Variants in FGF14 observed in about 807,000 individuals in gnomAD.
FGF14 encodes the protein fibroblast growth factor 14.
A neutral mutation model predicts 25.5 loss-of-function variants in FGF14; 5 were observed. The ratio of observed to expected loss-of-function variants is 0.20; its 90% CI spans 0.10 to 0.41. FGF14 has a LOEUF of 0.41. FGF14 is among the 10% of genes least tolerant of loss of function. The pLI is 1.00. For missense variants in FGF14, 222 were observed against 320.1 expected (o/e 0.69, Z 2.34); for synonymous variants, 138 against 118.3 (o/e 1.17, Z -1.08).
intron 3 of FGF14, among the ~76,000 whole-genome samples, chr13:101,844,059 A>G (rs1442331842): frequency 2.6e-5 from 4 of 152,018 alleles, no homozygotes; most frequent in Admixed American, 1.3e-4. Context: ...GGACAGAGTT[A>G]GTTTCAAAGA....
rs1410001870 is a variant in FGF14 at position 102,339,170 on chromosome 13, C to T, written c.208+62301G>A. Among the ~76,000 whole-genome samples the T allele has an allele frequency of 2.0e-5, 3 of 151,880 alleles. No individual in the cohort carries two copies. In the East Asian group the frequency reaches 5.8e-4, roughly 29 times the overall value. ...GATGTGCAAATTTCACACCGCATGC[C>T]TGTATCAGAACATCTCACGTACCCC... On this transcript the variant is annotated intron_variant, in intron 1 of 4. Coordinates refer to the FGF14 transcript ENST00000376131.
chr13:101,912,671 T>C (rs2033068361), intron 1 of FGF14, among the ~76,000 whole-genome samples: 1 of 152,198 alleles, frequency 6.6e-6, no homozygotes, highest in African/African-American at 2.4e-5. Flanking sequence ...TGTTCTTGCA[T>C]TCTTATAAAT....
At chr13:102,177,657 TAA>T (rs2048502319) in intron 1 of FGF14, among the ~76,000 whole-genome samples, 1 of 152,076 alleles carries the variant, frequency 6.6e-6, no homozygotes, top group Non-Finnish European at 1.5e-5. Context: ...GCAAAACTCT[TAA>T]AGTCTGCTTG....
At chr13:102,009,304 C>A (rs1038116265) in intron 1 of FGF14, among the ~76,000 whole-genome samples, 1 of 151,942 alleles carries the variant, frequency 6.6e-6, no homozygotes, top group South Asian at 2.1e-4. Context: ...ATGGATAAAT[C>A]GGTAATAGAT....
rs143837013 is a variant in FGF14, at chr13:101,807,917, T to C, written c.408+60808A>G. 4.9e-4 allele frequency among the ~76,000 whole-genome samples: 74 copies of C among 152,222 alleles called. No individual in the cohort carries two copies. In the East Asian group the frequency reaches 9.8e-3, roughly 20 times the overall value. ...CTCAGGCCCTCAAAAGGGTTTTATA[T>C]AGTACAGAAATGATATTATTCTGCA... On this transcript the variant is annotated intron_variant, in intron 3 of 4. Coordinates refer to ENST00000376143, the MANE Select transcript of FGF14 (RefSeq NM_004115.4).
chr13:102,349,750 TA>T (rs2057219017), intron 1 of FGF14, among the ~76,000 whole-genome samples: 1 of 152,218 alleles, frequency 6.6e-6, no homozygotes, highest in Non-Finnish European at 1.5e-5. Flanking sequence ...AAATATAACA[TA>T]TTATGAACCC....
intron 3 of FGF14, among the ~76,000 whole-genome samples, chr13:101,834,441 C>G (rs760874154): frequency 1.3e-5 from 2 of 152,052 alleles, no homozygotes; most frequent in Non-Finnish European, 2.9e-5. Flanking sequence ...GAAAAAGATA[C>G]AAGCTTTTAC....
intron 1 of FGF14, among the ~76,000 whole-genome samples, chr13:102,061,384 A>G (rs1182098833): frequency 6.6e-6 from 1 of 152,196 alleles, no homozygotes; most frequent in Admixed American, 6.5e-5. Flanking sequence ...GCCCGTCCAC[A>G]TGTTCCTCCC....
At chr13:101,871,810 G>T (rs915620922) in intron 2 of FGF14, among the ~76,000 whole-genome samples, 2 of 152,008 alleles carry the variant, frequency 1.3e-5, no homozygotes, top group Non-Finnish European at 2.9e-5. Context: ...TTTTGTGAAA[G>T]ATCTTTCCAT....
intron 3 of FGF14, among the ~76,000 whole-genome samples, chr13:101,848,999 C>T (rs2043608427): frequency 6.6e-6 from 1 of 151,942 alleles, no homozygotes; most frequent in African/African-American, 2.4e-5. Context: ...CTTTTACTTT[C>T]TCGCTCATTT....
At chr13:102,278,459 T>G (rs990329286) in intron 1 of FGF14, among the ~76,000 whole-genome samples, 2 of 152,136 alleles carry the variant, frequency 1.3e-5, no homozygotes, top group African/African-American at 2.4e-5. Flanking sequence ...ACTCATGCAT[T>G]TCACCATCTG....
Position 101,718,075 on chromosome 13 carries a change from T to C in FGF14, c.*4756A>G, listed in dbSNP as rs2034792801. On this transcript the variant is annotated 3_prime_UTR_variant, in exon 5 of 5. Transcript: ENST00000376143. ...AAAATTTTGGACAAAGATGAAAATA[T>C]AGTCAGCTCTGTTCTAGTGTTCATT... The C allele has an allele frequency of 6.6e-6, 1 of 152,142 alleles. No individual in the cohort carries two copies. Among genetic ancestry groups the C allele is most frequent in the African/African-American group, 2.4e-5 (1 of 41,464 alleles). 9.4% of individuals were successfully genotyped at this position (152,142 alleles called of 1,614,324 possible).
intron 3 of FGF14, among the ~76,000 whole-genome samples, chr13:101,751,379 A>C (rs948890695): frequency 1.3e-5 from 2 of 152,150 alleles, no homozygotes; most frequent in African/African-American, 4.8e-5. Context: ...AAGTTTATTA[A>C]TTGAAAAAAT....
intron 1 of FGF14, among the ~76,000 whole-genome samples, chr13:102,276,298 T>TACACACAC (rs57994075): frequency 0.019 from 2,286 of 118,220 alleles, 62 homozygotes; most frequent in African/African-American, 0.048. Flanking sequence ...AACTTGGAAA[T>TACACACAC]ACACACACAC....
chr13:102,110,440 A>G (rs1352162090), intron 1 of FGF14, among the ~76,000 whole-genome samples: 1 of 152,182 alleles, frequency 6.6e-6, no homozygotes, highest in Non-Finnish European at 1.5e-5. Context: ...ACCACAGACC[A>G]CAGGCTGACT....
At chr13:102,068,805 C>A (rs1187491606) in intron 1 of FGF14, among the ~76,000 whole-genome samples, 3 of 152,208 alleles carry the variant, frequency 2.0e-5, no homozygotes, top group African/African-American at 7.2e-5. Context: ...CGAGCACCAC[C>A]CCCCTGCTCC....
chr13:101,889,830 C>T (rs1198516983), intron 1 of FGF14, among the ~76,000 whole-genome samples: 2 of 152,210 alleles, frequency 1.3e-5, no homozygotes, highest in South Asian at 2.1e-4. Context: ...ATGTTTCAGG[C>T]TCTGAGAGTG....
At position 101,720,893 on chromosome 13, in the gene FGF14, T is replaced by A. The variant is rs973905191; in HGVS notation, c.*1938A>T. 2.0e-5 allele frequency: 3 copies of A among 152,156 alleles called. No homozygotes were observed. Among genetic ancestry groups the A allele is most frequent in the African/African-American group, 7.2e-5 (3 of 41,442 alleles). 9.4% of individuals were successfully genotyped at this position (152,156 alleles called of 1,614,324 possible). A position where few individuals can be genotyped will look rare whatever the true frequency, so the allele number is the denominator to read the frequency against. ...TTATTTATTCAAGTAGAATCCAATA[T>A]GAAAATGAAATAAGCATAAACAAAC... On this transcript the variant is annotated 3_prime_UTR_variant, in exon 5 of 5. Coordinates refer to ENST00000376143, the MANE Select transcript of FGF14 (RefSeq NM_004115.4).
chr13:102,200,917 A>G (rs1415293122), intron 1 of FGF14, among the ~76,000 whole-genome samples: 1 of 151,930 alleles, frequency 6.6e-6, no homozygotes, highest in Non-Finnish European at 1.5e-5. Flanking sequence ...CTTGGCTAAC[A>G]TGGTGAAACC....
Sources: gnomAD v4.1 joint callset for allele counts (sites outside exome capture counted in the v4.1 genomes callset) on GRCh38, gnomAD v4.1.1 for gene constraint, MANE v1.5 for transcripts, NCBI Gene and HGNC (gene_info 2026-07-23, HGNC 2026-07-21) for gene names.